KLF12: variants seen among roughly 807,000 people sequenced by gnomAD.
KLF12 encodes the protein Krueppel-like factor 12.
A neutral mutation model predicts 37.8 loss-of-function variants in KLF12; 9 were observed. The ratio of observed to expected loss-of-function variants is 0.24; its 90% CI spans 0.14 to 0.42. KLF12 has a LOEUF of 0.42. Ranked by LOEUF, KLF12 falls within the 10% of genes least tolerant of loss-of-function variation. The pLI is 1.00. For synonymous variants in KLF12, 208 were observed against 202.1 expected (o/e 1.03, Z -0.25); for missense variants, 411 against 516.0 (o/e 0.80, Z 1.97).
chr13:74,018,002 T>A (rs1017414078), intron 1 of KLF12, among the ~76,000 whole-genome samples: 4 of 151,794 alleles, frequency 2.6e-5, no homozygotes, highest in East Asian at 1.9e-4. Context: ...CCTTCCTCAA[T>A]AATATCATGG....
the KLF12 span, among the ~76,000 whole-genome samples, chr13:74,234,145 T>A: frequency 6.6e-6 from 1 of 152,084 alleles, no homozygotes; most frequent in Non-Finnish European, 1.5e-5. Flanking sequence ...TTGGTAAACA[T>A]AAAACAGCTT....
the KLF12 span, among the ~76,000 whole-genome samples, chr13:74,286,422 G>A: frequency 6.6e-6 from 1 of 152,138 alleles, no homozygotes; most frequent in Non-Finnish European, 1.5e-5. Flanking sequence ...GAGCTTCCAG[G>A]AAGACAAGAT....
rs1247278034 is a variant in KLF12, at chr13:73,806,064, T to C, written c.806+7088A>G. Among the ~76,000 whole-genome samples, 7 of 151,648 alleles carry C rather than the reference T, an allele frequency of 4.6e-5. No homozygotes were observed. In the East Asian group the frequency reaches 9.7e-4, roughly 21 times the overall value. On this transcript the variant is annotated intron_variant, in intron 5 of 7. Coordinates refer to ENST00000377669, the MANE Select transcript of KLF12 (RefSeq NM_007249.5). ...GATACACTGCCTCGGCCTCTCAAAA[T>C]GTTGGGATTACAGGTGTCACCCACT... is the stretch of plus-strand genomic sequence containing the variant.
rs115735867 is a variant in KLF12, at chr13:73,975,813, C to G, written c.33+19177G>C. On this transcript the variant is annotated intron_variant, in intron 2 of 7. Transcript: ENST00000377669. ...CTCCTAACCCTCCTTTGGCTTACCT[C>G]TAATCATCTGTAGGTCTGTCTCTTT... 3.2e-3 allele frequency among the ~76,000 whole-genome samples: 485 copies of G among 152,290 alleles called. 2 individuals carry two copies. The highest frequency in any genetic ancestry group is 0.011 in the African/African-American group (472 of 41,564).
chr13:73,963,348 G>GTA (rs1891077873), intron 2 of KLF12, among the ~76,000 whole-genome samples: 20 of 54,678 alleles, frequency 3.7e-4, no homozygotes, highest in Admixed American at 3.1e-3. Flanking sequence ...TAGTACTTCA[G>GTA]TATACACACA....
chr13:73,945,070 G>A (rs1196931237), intron 2 of KLF12, among the ~76,000 whole-genome samples: 1 of 152,122 alleles, frequency 6.6e-6, no homozygotes, highest in Non-Finnish European at 1.5e-5. Flanking sequence ...AAAAAAATCA[G>A]TTTCTAAATA....
At chr13:73,778,694 C>T (rs1442036712) in intron 5 of KLF12, among the ~76,000 whole-genome samples, 1 of 151,996 alleles carries the variant, frequency 6.6e-6, no homozygotes, top group Non-Finnish European at 1.5e-5. Flanking sequence ...GAGAGCCTCA[C>T]CAAACAACAG....
At chr13:73,866,635 A>T (rs1462626300) in intron 3 of KLF12, among the ~76,000 whole-genome samples, 2 of 152,202 alleles carry the variant, frequency 1.3e-5, no homozygotes. Flanking sequence ...AAGACAAAAT[A>T]CAAACATTTT....
chr13:73,746,481 T>C (rs548926970), intron 6 of KLF12, among the ~76,000 whole-genome samples: 2 of 152,156 alleles, frequency 1.3e-5, no homozygotes, highest in Non-Finnish European at 2.9e-5. Flanking sequence ...TAGATACCTT[T>C]ATATTCTTTA....
intron 2 of KLF12, among the ~76,000 whole-genome samples, chr13:73,970,115 T>C (rs781092540): frequency 3.9e-5 from 6 of 152,134 alleles, no homozygotes; most frequent in Non-Finnish European, 8.8e-5. Flanking sequence ...GGTCAATCCA[T>C]CTTGCACAGT....
chr13:74,216,799 A>C, the KLF12 span, among the ~76,000 whole-genome samples: 1 of 152,204 alleles, frequency 6.6e-6, no homozygotes, highest in Admixed American at 6.5e-5. Flanking sequence ...AAGAAGTCTT[A>C]ACCTACCTTG....
At chr13:73,732,621 T>G (rs1877149881) in intron 6 of KLF12, among the ~76,000 whole-genome samples, 1 of 152,182 alleles carries the variant, frequency 6.6e-6, no homozygotes, top group African/African-American at 2.4e-5. Context: ...CCTCTCAATG[T>G]TGGAGGTTCC....
At chr13:73,773,326 A>G (rs1880386285) in intron 5 of KLF12, among the ~76,000 whole-genome samples, 2 of 152,160 alleles carry the variant, frequency 1.3e-5, no homozygotes, top group East Asian at 1.9e-4. Context: ...ACTGGATGGA[A>G]GGTTGGAGTT....
At chr13:73,714,953 T>C (rs112741444) in intron 7 of KLF12, among the ~76,000 whole-genome samples, 1 of 152,336 alleles carries the variant, frequency 6.6e-6, no homozygotes, top group Admixed American at 6.5e-5. Flanking sequence ...TATTTTTCAG[T>C]TGTTTACCTA....
the KLF12 span, among the ~76,000 whole-genome samples, chr13:74,141,615 C>G: frequency 1.3e-5 from 2 of 152,126 alleles, no homozygotes; most frequent in African/African-American, 2.4e-5. Context: ...CACCAAAGCC[C>G]CAATCTCATT....
chr13:74,146,098 A>G, the KLF12 span, among the ~76,000 whole-genome samples: 1 of 152,226 alleles, frequency 6.6e-6, no homozygotes, highest in Non-Finnish European at 1.5e-5. Context: ...GTGAGCATAC[A>G]GAAAGTACTT....
At chr13:73,715,150 AG>A (rs1469890939) in intron 7 of KLF12, among the ~76,000 whole-genome samples, 2 of 152,178 alleles carry the variant, frequency 1.3e-5, no homozygotes, top group Non-Finnish European at 1.5e-5. Context: ...AAAGACTACT[AG>A]ATCACTATGT....
the KLF12 span, among the ~76,000 whole-genome samples, chr13:74,187,171 T>C: frequency 6.6e-6 from 1 of 151,964 alleles, no homozygotes; most frequent in Admixed American, 6.6e-5. Context: ...CCACAAAAAA[T>C]ACCAGAATTA....
chr13:73,722,736 G>A (rs534327351), intron 6 of KLF12, among the ~76,000 whole-genome samples: 11 of 152,256 alleles, frequency 7.2e-5, no homozygotes, highest in South Asian at 4.1e-4. Flanking sequence ...GCTAAAATGC[G>A]TCAAAAAGCT....
Sources: allele counts gnomAD v4.1 joint callset (sites outside exome capture counted in the v4.1 genomes callset), GRCh38; gene constraint gnomAD v4.1.1; transcripts MANE v1.5; gene names NCBI Gene and HGNC (gene_info 2026-07-23, HGNC 2026-07-21).